CAMK2D: variants seen among roughly 807,000 people sequenced by gnomAD.
CAMK2D encodes calcium/calmodulin-dependent protein kinase type II subunit delta.
CAMK2D carries 37 observed loss-of-function variants against 84.0 expected under a neutral mutation model. The observed-to-expected ratio is 0.44, with a 90% CI of 0.34 to 0.58. CAMK2D has a LOEUF of 0.58. CAMK2D is among the 20% of genes least tolerant of loss of function. CAMK2D has a pLI of 0.02. For synonymous variants in CAMK2D, 202 were observed against 212.5 expected (o/e 0.95, Z 0.43); for missense variants, 448 against 652.5 (o/e 0.69, Z 3.41).
At chr4:113,634,563 C>T (rs2099102686) in intron 3 of CAMK2D, among the ~76,000 whole-genome samples, 1 of 152,150 alleles carries the variant, frequency 6.6e-6, no homozygotes, top group African/African-American at 2.4e-5. Context: ...CAAGGAATGA[C>T]ATTTGTAAAT....
Position 113,489,966 on chromosome 4 carries a change from T to C in CAMK2D, c.1135+10497A>G, listed in dbSNP as rs1349575456. ...TTTTGAGAAGTGTCTGTTCATATCC[T>C]TTGCCCACTTTTTGATGGGGTTGTT... On this transcript the variant is annotated intron_variant, in intron 16 of 20. Transcript: ENST00000511664. Among the ~76,000 whole-genome samples the C allele has an allele frequency of 1.0e-3, 154 of 151,554 alleles. 1 individual carries two copies. Among genetic ancestry groups the C allele is most frequent in the African/African-American group, 3.4e-3 (142 of 41,188 alleles).
At chr4:113,687,096 T>C (rs147626222) in intron 2 of CAMK2D, among the ~76,000 whole-genome samples, 1 of 152,322 alleles carries the variant, frequency 6.6e-6, no homozygotes, top group Middle Eastern at 3.4e-3. Context: ...CATTCTCTTC[T>C]TTGAACTGAT....
intron 3 of CAMK2D, among the ~76,000 whole-genome samples, chr4:113,642,320 G>A (rs1183244920): frequency 6.6e-6 from 1 of 152,220 alleles, no homozygotes; most frequent in African/African-American, 2.4e-5. Context: ...GGGCTCTGCA[G>A]AGTCATTTCT....
intron 2 of CAMK2D, among the ~76,000 whole-genome samples, chr4:113,758,907 G>A (rs1157724686): frequency 6.6e-6 from 1 of 152,130 alleles, no homozygotes; most frequent in Non-Finnish European, 1.5e-5. Flanking sequence ...AACTACAATT[G>A]AAATGTATGA....
intron 4 of CAMK2D, among the ~76,000 whole-genome samples, chr4:113,597,400 C>T (rs28843482): frequency 0.041 from 6,237 of 152,270 alleles, 442 homozygotes; most frequent in African/African-American, 0.14. Context: ...CTTCACACTG[C>T]GCTTTTTTGT....
chr4:113,563,543 A>G (rs2098708509), intron 4 of CAMK2D, among the ~76,000 whole-genome samples: 1 of 152,146 alleles, frequency 6.6e-6, no homozygotes, highest in African/African-American at 2.4e-5. Flanking sequence ...ATTTTGCTGG[A>G]CCCTAAGAAG....
intron 2 of CAMK2D, among the ~76,000 whole-genome samples, chr4:113,707,453 G>A (rs2099463840): frequency 6.6e-6 from 1 of 152,066 alleles, no homozygotes; most frequent in Non-Finnish European, 1.5e-5. Flanking sequence ...CTCTATTTAG[G>A]ACAAACCAGA....
intron 3 of CAMK2D, among the ~76,000 whole-genome samples, chr4:113,618,607 A>G (rs1173594645): frequency 6.6e-6 from 1 of 152,228 alleles, no homozygotes; most frequent in Non-Finnish European, 1.5e-5. Context: ...GCTTGTAGAC[A>G]TATTGTACTA....
intron 3 of CAMK2D, among the ~76,000 whole-genome samples, chr4:113,628,541 G>A (rs888302758): frequency 3.9e-5 from 6 of 152,096 alleles, no homozygotes; most frequent in African/African-American, 1.4e-4. Flanking sequence ...CATACTCTCT[G>A]ATCCTCTCAA....
At chr4:113,696,187 GACACACAGACACACACACACAC>G (rs2099402054) in intron 2 of CAMK2D, among the ~76,000 whole-genome samples, 1 of 68,756 alleles carries the variant, frequency 1.5e-5, no homozygotes, top group African/African-American at 5.2e-5. Flanking sequence ...CAGACACACA[GACACACAGACACACACACACAC>G]ACACACACAC....
chr4:113,729,579 C>T (rs1434526909), intron 2 of CAMK2D, among the ~76,000 whole-genome samples: 3 of 152,172 alleles, frequency 2.0e-5, no homozygotes, highest in Non-Finnish European at 4.4e-5. Context: ...AGAAACTTTT[C>T]CTGGTCACCC....
intron 17 of CAMK2D, among the ~76,000 whole-genome samples, chr4:113,460,456 T>C (rs916514094): frequency 2.6e-5 from 4 of 152,026 alleles, no homozygotes; most frequent in African/African-American, 9.7e-5. Flanking sequence ...AACAAACTAA[T>C]TTATCCAGTT....
At chr4:113,575,094 TC>T (rs1273036065) in intron 4 of CAMK2D, among the ~76,000 whole-genome samples, 1 of 152,320 alleles carries the variant, frequency 6.6e-6, no homozygotes, top group East Asian at 1.9e-4. Flanking sequence ...TAATCACTTT[TC>T]CCCTCTGGAG....
At chr4:113,587,035 T>C (rs2098837366) in intron 4 of CAMK2D, among the ~76,000 whole-genome samples, 1 of 152,118 alleles carries the variant, frequency 6.6e-6, no homozygotes, top group Non-Finnish European at 1.5e-5. Context: ...TGCTAAAGAG[T>C]AAATATAAAG....
intron 4 of CAMK2D, among the ~76,000 whole-genome samples, chr4:113,595,709 T>C (rs76552300): frequency 0.04 from 6,078 of 152,266 alleles, 359 homozygotes; most frequent in East Asian, 0.19. Context: ...AAATGTGCAA[T>C]AGCGTTATCT....
chr4:113,545,269 T>C (rs2098557577), intron 6 of CAMK2D, among the ~76,000 whole-genome samples: 1 of 152,178 alleles, frequency 6.6e-6, no homozygotes, highest in Non-Finnish European at 1.5e-5. Flanking sequence ...ATATACAAAT[T>C]GTACAGCACT....
Position 113,486,865 on chromosome 4 carries a change from C to A in CAMK2D, c.1135+13598G>T, listed in dbSNP as rs78534615. On this transcript the variant is annotated intron_variant, in intron 16 of 20. Transcript: ENST00000511664. ...TAGAATACAGTCCCTATAATCCACT[C>A]AGAATTAGCCCAGTCCGTTTGAAAC... Among the ~76,000 whole-genome samples the A allele has an allele frequency of 5.3e-3, 811 of 152,304 alleles. 8 individuals are homozygous for A. The highest frequency in any genetic ancestry group is 0.018 in the African/African-American group (758 of 41,564).
intron 2 of CAMK2D, among the ~76,000 whole-genome samples, chr4:113,729,674 C>A (rs1157165758): frequency 1.3e-5 from 2 of 152,094 alleles, no homozygotes; most frequent in African/African-American, 2.4e-5. Flanking sequence ...GTCTGTGTCC[C>A]CTCAAAATTC....
intron 3 of CAMK2D, among the ~76,000 whole-genome samples, chr4:113,624,182 A>G (rs2099058178): frequency 6.6e-6 from 1 of 152,206 alleles, no homozygotes; most frequent in Non-Finnish European, 1.5e-5. Flanking sequence ...TCAATCTTGA[A>G]TAAGTTTAAC....
Sources: gnomAD v4.1 joint callset for allele counts (sites outside exome capture counted in the v4.1 genomes callset) on GRCh38, gnomAD v4.1.1 for gene constraint, MANE v1.5 for transcripts, NCBI Gene and HGNC (gene_info 2026-07-23, HGNC 2026-07-21) for gene names.